PCDH9: variants seen among roughly 807,000 people sequenced by gnomAD.
PCDH9 encodes the protein protocadherin-9.
Under a neutral mutation model 70.6 loss-of-function variants are expected in PCDH9, and 24 were observed. The observed-to-expected ratio is 0.34, with a 90% CI of 0.25 to 0.48. The LOEUF is 0.48. Ranked by LOEUF, PCDH9 falls within the 20% of genes least tolerant of loss-of-function variation. The pLI is 0.99. For synonymous variants in PCDH9, 562 were observed against 558.5 expected (o/e 1.01, Z -0.09); for missense variants, 1,281 against 1,503.6 (o/e 0.85, Z 2.45).
intron 4 of PCDH9, among the ~76,000 whole-genome samples, chr13:66,426,250 G>T (rs1234157217): frequency 1.3e-5 from 2 of 151,176 alleles, no homozygotes; most frequent in Non-Finnish European, 3.0e-5. Context: ...AACAAGCAGA[G>T]AATTAGAACT....
At chr13:67,056,533 G>A (rs1179280317) in intron 2 of PCDH9, among the ~76,000 whole-genome samples, 1 of 152,122 alleles carries the variant, frequency 6.6e-6, no homozygotes, top group Non-Finnish European at 1.5e-5. Flanking sequence ...CCTCCTTAGA[G>A]TTACTTGCAT....
In PCDH9 at chr13:66,435,056, A is replaced by G. The variant is rs190070084; in HGVS notation, c.3341-130028T>C. Among the ~76,000 whole-genome samples the G allele has an allele frequency of 4.6e-5, 7 of 152,270 alleles. No homozygotes were observed. The East Asian group carries it at 1.4e-3, about 29-fold the overall frequency. The stretch of plus-strand genomic sequence containing the variant: ...ACAAATCAAGGAAGGCATTCCAAGG[A>G]AATCCTAAAGGTGCAAAGGGCTTCA... On this transcript the variant is annotated intron_variant, in intron 4 of 4. Transcript: ENST00000377865.
At chr13:66,730,897 T>TTTTGTTTTG (rs1555262884) in intron 3 of PCDH9, among the ~76,000 whole-genome samples, 19 of 129,130 alleles carry the variant, frequency 1.5e-4, no homozygotes, top group Admixed American at 3.4e-4. Flanking sequence ...GTTTGTTTCT[T>TTTTGTTTTG]TTTTTTTGTG....
chr13:66,812,387 C>A (rs578008894), intron 3 of PCDH9, among the ~76,000 whole-genome samples: 279 of 152,228 alleles, frequency 1.8e-3, no homozygotes, highest in African/African-American at 6.5e-3. Context: ...ACCATTCCAA[C>A]CAAATCTTAT....
chr13:66,333,602 T>C (rs1304650901), intron 4 of PCDH9, among the ~76,000 whole-genome samples: 3 of 152,212 alleles, frequency 2.0e-5, no homozygotes, highest in Non-Finnish European at 2.9e-5. Context: ...TTTTCTTTTG[T>C]ATAAAAATTA....
In PCDH9 at chr13:66,831,673, G is replaced by A. The variant is rs565177803; in HGVS notation, c.3138+71831C>T. ...CAAGCACCAAATTAAAACTGAGGCT[G>A]AGAAATGAGCCTGTATATTAAGATG... On this transcript the variant is annotated intron_variant, in intron 3 of 4. Transcript: ENST00000377865. Among the ~76,000 whole-genome samples the A allele has an allele frequency of 3.4e-3, 513 of 152,270 alleles. 2 individuals carry two copies. Among genetic ancestry groups the A allele is most frequent in the African/African-American group, 0.012 (490 of 41,564 alleles).
At chr13:66,927,506 T>C (rs2082735529) in intron 2 of PCDH9, among the ~76,000 whole-genome samples, 1 of 152,076 alleles carries the variant, frequency 6.6e-6, no homozygotes, top group South Asian at 2.1e-4. Flanking sequence ...CAAGTTTACC[T>C]ATGTAACAAA....
chr13:66,981,750 G>A (rs1040325739), intron 2 of PCDH9, among the ~76,000 whole-genome samples: 1 of 151,850 alleles, frequency 6.6e-6, no homozygotes, highest in Non-Finnish European at 1.5e-5. Context: ...TGCAAACATT[G>A]TTAAATACTT....
At chr13:66,789,632 G>A (rs951452102) in intron 3 of PCDH9, among the ~76,000 whole-genome samples, 3 of 151,910 alleles carry the variant, frequency 2.0e-5, no homozygotes, top group Non-Finnish European at 2.9e-5. Flanking sequence ...TTCTCCATTA[G>A]TAAAGCAAAA....
intron 2 of PCDH9, among the ~76,000 whole-genome samples, chr13:67,050,986 T>A (rs897362272): frequency 1.1e-4 from 17 of 152,150 alleles, no homozygotes; most frequent in African/African-American, 4.1e-4. Flanking sequence ...CAACAAGCAA[T>A]AGATATAGAT....
At chr13:66,942,495 C>A (rs1326942377) in intron 2 of PCDH9, among the ~76,000 whole-genome samples, 1 of 151,806 alleles carries the variant, frequency 6.6e-6, no homozygotes, top group East Asian at 1.9e-4. Context: ...GACATTGCTA[C>A]AGATTCTGTA....
At chr13:67,174,026 GTAT>G (rs2088370986) in intron 2 of PCDH9, among the ~76,000 whole-genome samples, 1 of 151,976 alleles carries the variant, frequency 6.6e-6, no homozygotes, top group South Asian at 2.1e-4. Context: ...TCTATTCATA[GTAT>G]TATTTTATTT....
At chr13:66,478,210 G>A (rs1015172797) in intron 4 of PCDH9, among the ~76,000 whole-genome samples, 1 of 152,168 alleles carries the variant, frequency 6.6e-6, no homozygotes, top group African/African-American at 2.4e-5. Context: ...ATATTAGACA[G>A]TGAACTTAAT....
chr13:66,708,163 C>T (rs923085934), intron 3 of PCDH9, among the ~76,000 whole-genome samples: 8 of 150,888 alleles, frequency 5.3e-5, no homozygotes, highest in African/African-American at 1.9e-4. Context: ...CATTCTCCTG[C>T]CTCAGCCTCC....
intron 3 of PCDH9, among the ~76,000 whole-genome samples, chr13:66,791,663 T>C (rs1160170547): frequency 6.6e-6 from 1 of 152,180 alleles, no homozygotes; most frequent in Non-Finnish European, 1.5e-5. Context: ...AATTTGTACA[T>C]GCTTATGTAT....
In PCDH9 at chr13:66,893,297, T is replaced by C. The variant is rs531995727; in HGVS notation, c.3138+10207A>G. On this transcript the variant is annotated intron_variant, in intron 3 of 4. Coordinates refer to ENST00000377865, the MANE Select transcript of PCDH9 (RefSeq NM_203487.3). Reference sequence around the variant, plus strand: ...GATTTGCTCTAACAGAAGAGGTAACTGATTAAGTAAAACAGTATTGTATCA... The same window carrying C: ...GATTTGCTCTAACAGAAGAGGTAACCGATTAAGTAAAACAGTATTGTATCA... 3.6e-3 allele frequency among the ~76,000 whole-genome samples: 553 copies of C among 152,254 alleles called. 5 individuals are homozygous for C. Among genetic ancestry groups the C allele is most frequent in the African/African-American group, 0.013 (528 of 41,546 alleles).
chr13:66,537,694 A>G (rs563311049), intron 4 of PCDH9, among the ~76,000 whole-genome samples: 2 of 152,264 alleles, frequency 1.3e-5, no homozygotes, highest in East Asian at 3.9e-4. Context: ...TTTACTCTGT[A>G]AAGATTAACA....
intron 4 of PCDH9, among the ~76,000 whole-genome samples, chr13:66,452,935 T>TATCC (rs1202353015): frequency 2.0e-4 from 30 of 152,162 alleles, no homozygotes; most frequent in Admixed American, 1.2e-3. Flanking sequence ...CTCATCCATC[T>TATCC]ATCCATCCAT....
At chr13:66,651,666 G>A (rs571911441) in intron 3 of PCDH9, among the ~76,000 whole-genome samples, 1 of 152,080 alleles carries the variant, frequency 6.6e-6, no homozygotes, top group South Asian at 2.1e-4. Flanking sequence ...ATTCCATGAG[G>A]CCAATTTTAC....
Sources: allele counts gnomAD v4.1 joint callset (sites outside exome capture counted in the v4.1 genomes callset), GRCh38; gene constraint gnomAD v4.1.1; transcripts MANE v1.5; gene names NCBI Gene and HGNC (gene_info 2026-07-23, HGNC 2026-07-21).